The following CDKL3 variants were observed in gnomAD, a reference collection of about 807,000 sequenced individuals.
CDKL3 encodes the protein cyclin dependent kinase like 3.
CDKL3 carries 65 observed loss-of-function variants against 69.3 expected under a neutral mutation model. The observed-to-expected ratio is 0.94, with a 90% CI of 0.77 to 1.15. The LOEUF is 1.15. CDKL3 is among the 50% of genes most tolerant of loss of function. The pLI, the probability that CDKL3 is intolerant of heterozygous loss-of-function variation, is 0.00. For missense variants in CDKL3, 652 were observed against 689.2 expected, an observed-to-expected ratio of 0.95 and a Z score of 0.61; for synonymous variants, 202 against 221.6, an observed-to-expected ratio of 0.91 and a Z score of 0.79.
At chr5:134,297,998 A>T (rs1254291377), downstream of CDKL3, among the ~76,000 whole-genome samples, 1 of 147,516 alleles carries the variant, frequency 6.8e-6, no homozygotes, top group African/African-American at 2.5e-5. Flanking sequence ...CAATGGCATG[A>T]TCTTGGCTCT....
chr5:134,309,857 G>A (rs752631423), intron 7 of CDKL3, among the ~76,000 whole-genome samples: 3 of 152,134 alleles, frequency 2.0e-5, no homozygotes, highest in East Asian at 1.9e-4. Context: ...TTTCAGACAC[G>A]GTCTCTCTCT....
chr5:134,363,957 TAA>T (rs1206131261), intron 2 of CDKL3, among the ~76,000 whole-genome samples: 33 of 96,414 alleles, frequency 3.4e-4, no homozygotes, highest in African/African-American at 8.5e-4. Context: ...CTCCATTTCT[TAA>T]AAAAAAAAAA....
chr5:134,335,571 T>C (rs1037571001), intron 4 of CDKL3, among the ~76,000 whole-genome samples: 5 of 152,120 alleles, frequency 3.3e-5, no homozygotes, highest in African/African-American at 1.2e-4. Flanking sequence ...TTATTTCTCC[T>C]TCACTTAAAA....
chr5:134,347,697 T>TAAAAAA (rs1175296441), intron 4 of CDKL3, among the ~76,000 whole-genome samples: 215 of 52,718 alleles, frequency 4.1e-3, no homozygotes, highest in African/African-American at 4.8e-3. Context: ...CCATCTCTGC[T>TAAAAAA]AAAAAAAAAA....
At chr5:134,364,817 T>TTC (rs1468963497) in intron 2 of CDKL3, among the ~76,000 whole-genome samples, 5 of 134,532 alleles carry the variant, frequency 3.7e-5, no homozygotes, top group Admixed American at 1.6e-4. Context: ...CCTTTTTTTT[T>TTC]TTCTTTTGAG....
intron 8 of CDKL3, among the ~76,000 whole-genome samples, chr5:134,286,771 C>G (rs563340558): frequency 6.6e-6 from 1 of 152,232 alleles, no homozygotes; most frequent in Non-Finnish European, 1.5e-5. Context: ...GAGAACAGCA[C>G]AGGAAAGACC....
intron 3 of CDKL3, among the ~76,000 whole-genome samples, chr5:134,357,242 G>T (rs1004646491): frequency 1.3e-5 from 2 of 152,032 alleles, no homozygotes; most frequent in East Asian, 1.9e-4. Flanking sequence ...TCAGGAGTTT[G>T]ATATCAGCCT....
intron 2 of CDKL3, among the ~76,000 whole-genome samples, chr5:134,363,810 G>A (rs1756660569): frequency 6.6e-6 from 1 of 151,886 alleles, no homozygotes. Context: ...CCTCAAATTA[G>A]GCCAGGCACA....
At chr5:134,370,179 C>G (rs1035330012), upstream of CDKL3, among the ~76,000 whole-genome samples, 1 of 152,184 alleles carries the variant, frequency 6.6e-6, no homozygotes, top group Non-Finnish European at 1.5e-5. Flanking sequence ...GTCCTCATTC[C>G]ACCCTCCCTT....
chr5:134,371,432 G>C, upstream of CDKL3: 1 of 886,988 alleles, frequency 1.1e-6, no homozygotes, highest in East Asian at 2.6e-5. Flanking sequence ...GGGATCCGGA[G>C]GCGGCGGAGG....
intron 2 of CDKL3, 129 bp from the exon 3 acceptor site, chr5:134,360,220 T>C (rs1180417725): frequency 1.4e-6 from 1 of 711,704 alleles, no homozygotes; most frequent in Non-Finnish European, 2.3e-6. Flanking sequence ...TTTTTCTTTT[T>C]TTTGAGATGG....
chr5:134,299,614 G>T, intron 12 of CDKL3: 1 of 1,424,798 alleles, frequency 7.0e-7, no homozygotes, highest in Admixed American at 2.6e-5. Flanking sequence ...TAGCATTTTT[G>T]TGTATGTAAC....
chr5:134,367,165 G>A lies in CDKL3; in HGVS notation c.-210C>T, dbSNP rs28429874. The A allele has an allele frequency of 3.1e-3, 3,070 of 985,796 alleles. 61 individuals are homozygous for A. In the African/African-American group the frequency reaches 0.047, roughly 15 times the overall value. 61.1% of individuals were successfully genotyped at this position (985,796 alleles called of 1,614,324 possible). ...CCATGGAAACGCCGGCGGAGTTGCT[G>A]CGTTCTAGACTCGTGCGCAAGACCG... On this transcript the variant is annotated 5_prime_UTR_variant, in exon 1 of 13. Coordinates refer to ENST00000265334, the MANE Select transcript of CDKL3 (RefSeq NM_001113575.2).
chr5:134,305,706 T>A (rs1201572314), intron 10 of CDKL3, among the ~76,000 whole-genome samples: 2 of 152,248 alleles, frequency 1.3e-5, no homozygotes, highest in Admixed American at 6.5e-5. Context: ...TGTACCCTAA[T>A]GTACTTAGTC....
intron 6 of CDKL3, among the ~76,000 whole-genome samples, chr5:134,318,132 T>C (rs1356969199): frequency 1.3e-5 from 2 of 151,162 alleles, no homozygotes; most frequent in African/African-American, 2.4e-5. Flanking sequence ...GGCAGGAAAA[T>C]TGCTTCAACC....
intron 4 of CDKL3, among the ~76,000 whole-genome samples, chr5:134,331,542 A>G (rs1311801832): frequency 5.3e-5 from 8 of 152,006 alleles, no homozygotes; most frequent in Non-Finnish European, 1.2e-4. Flanking sequence ...ACTTATGAGA[A>G]CATGTGGTGT....
chr5:134,363,977 AAGAGAG>A (rs774547186), intron 2 of CDKL3, among the ~76,000 whole-genome samples: 1 of 119,320 alleles, frequency 8.4e-6, no homozygotes, highest in African/African-American at 3.5e-5. Flanking sequence ...AAAAAAAAAA[AAGAGAG>A]AGAAAGAAGG....
intron 4 of CDKL3, among the ~76,000 whole-genome samples, chr5:134,343,387 G>A (rs1362236087): frequency 6.6e-6 from 1 of 152,138 alleles, no homozygotes; most frequent in South Asian, 2.1e-4. Flanking sequence ...AGCTGTCCTC[G>A]TTCATTCCTG....
intron 12 of CDKL3, among the ~76,000 whole-genome samples, chr5:134,300,684 A>T (rs917230033): frequency 6.6e-6 from 1 of 152,180 alleles, no homozygotes; most frequent in Non-Finnish European, 1.5e-5. Flanking sequence ...TATCATATGA[A>T]CAAGAAGATG....
Sources: gnomAD v4.1 joint callset for allele counts (sites outside exome capture counted in the v4.1 genomes callset) on GRCh38, gnomAD v4.1.1 for gene constraint, MANE v1.5 for transcripts, NCBI Gene and HGNC (gene_info 2026-07-23, HGNC 2026-07-21) for gene names.